Variants in DCT observed in about 807,000 individuals in gnomAD.
DCT encodes the protein L-dopachrome tautomerase.
DCT carries 47 observed loss-of-function variants against 53.0 expected under a neutral mutation model. The ratio of observed to expected loss-of-function variants is 0.89; its 90% CI spans 0.70 to 1.13. DCT has a LOEUF of 1.13. DCT is among the 50% of genes most tolerant of loss of function. The probability of loss-of-function intolerance (pLI) is 0.00; values close to 1 mark genes in which losing one functional copy is unlikely to be tolerated. For synonymous variants in DCT, 244 were observed against 237.0 expected (o/e 1.03, Z -0.27); for missense variants, 669 against 637.4 (o/e 1.05, Z -0.53).
intron 1 of DCT, among the ~76,000 whole-genome samples, chr13:94,473,924 A>G (rs1304312772): frequency 6.6e-6 from 1 of 152,202 alleles, no homozygotes; most frequent in Non-Finnish European, 1.5e-5. Context: ...TATAGACCTG[A>G]CCTGAAGAAT....
the DCT span, among the ~76,000 whole-genome samples, chr13:94,490,810 G>C: frequency 6.6e-6 from 1 of 152,168 alleles, no homozygotes; most frequent in Admixed American, 6.5e-5. Flanking sequence ...ACACTGAAAA[G>C]TAGTAGAAAA....
chr13:94,526,477 C>T, the DCT span, among the ~76,000 whole-genome samples: 1 of 152,088 alleles, frequency 6.6e-6, no homozygotes, highest in Non-Finnish European at 1.5e-5. Context: ...CTCTACAAAA[C>T]ATTTAAAAAT....
chr13:94,546,430 C>T, the DCT span, among the ~76,000 whole-genome samples: 16 of 152,256 alleles, frequency 1.1e-4, 1 homozygote, highest in South Asian at 1.5e-3. The surrounding 1 kb of genome is among the most constrained non-coding windows in gnomAD (Gnocchi z 4.2). Flanking sequence ...GACCCTCTTC[C>T]CTATTGCAAT....
intron 6 of DCT, among the ~76,000 whole-genome samples, chr13:94,449,846 A>C (rs1477613275): frequency 6.6e-6 from 1 of 152,222 alleles, no homozygotes; most frequent in Non-Finnish European, 1.5e-5. Context: ...GAAATAGTTA[A>C]ACAACACCCA....
At chr13:94,490,816 GA>G in the DCT span, among the ~76,000 whole-genome samples, 1 of 152,152 alleles carries the variant, frequency 6.6e-6, no homozygotes, top group Non-Finnish European at 1.5e-5. Flanking sequence ...AAAAGTAGTA[GA>G]AAACAAGATA....
At chr13:94,543,762 C>T in the DCT span, among the ~76,000 whole-genome samples, 3 of 152,086 alleles carry the variant, frequency 2.0e-5, no homozygotes, top group South Asian at 6.2e-4. Flanking sequence ...TGGCCAGGCA[C>T]GGTGGCTCAC....
the DCT span, among the ~76,000 whole-genome samples, chr13:94,542,925 A>G: frequency 6.6e-6 from 1 of 152,196 alleles, no homozygotes; most frequent in Non-Finnish European, 1.5e-5. Context: ...GTGGGAAAAC[A>G]GCAATTTTGT....
chr13:94,451,166 G>A (rs1158729090), intron 6 of DCT, among the ~76,000 whole-genome samples: 3 of 152,076 alleles, frequency 2.0e-5, no homozygotes, highest in African/African-American at 4.8e-5. Context: ...AAGATGTTAT[G>A]CCACTTAGGA....
the DCT span, among the ~76,000 whole-genome samples, chr13:94,501,808 G>C: frequency 6.6e-6 from 1 of 152,078 alleles, no homozygotes; most frequent in South Asian, 2.1e-4. Context: ...GTGCAAGAAG[G>C]GAAGAGTTCA....
chr13:94,482,071 G>A (rs1457960931), upstream of DCT, among the ~76,000 whole-genome samples: 2 of 152,312 alleles, frequency 1.3e-5, no homozygotes, highest in East Asian at 1.9e-4. Context: ...TTGACATTGG[G>A]ATAACATTCA....
At chr13:94,542,315 A>G in the DCT span, among the ~76,000 whole-genome samples, 572 of 152,244 alleles carry the variant, frequency 3.8e-3, 4 homozygotes, top group African/African-American at 0.01. Flanking sequence ...CAGCCTCCCA[A>G]GTAGCTGGGA....
the DCT span, among the ~76,000 whole-genome samples, chr13:94,500,322 G>A: frequency 6.6e-6 from 1 of 152,196 alleles, no homozygotes; most frequent in Admixed American, 6.5e-5. Flanking sequence ...CAGCAGGCAA[G>A]AGAGAAAATG....
chr13:94,522,946 G>T, the DCT span, among the ~76,000 whole-genome samples: 1 of 152,212 alleles, frequency 6.6e-6, no homozygotes, highest in Admixed American at 6.5e-5. Flanking sequence ...AAGATTGACG[G>T]TGTTAGCATA....
chr13:94,465,812 G>A lies in DCT; in HGVS notation c.697-13C>T. 6.2e-7 allele frequency: 1 copy of A among 1,605,306 alleles called. No individual in the cohort carries two copies. Among genetic ancestry groups the A allele is most frequent in the Non-Finnish European group, 8.5e-7 (1 of 1,175,282 alleles). On this transcript the variant is annotated splice_polypyrimidine_tract_variant and intron_variant, in intron 3 of 7. Coordinates refer to ENST00000377028, the MANE Select transcript of DCT (RefSeq NM_001922.5). Reference sequence around the variant, plus strand: ...TGCCAATGAGTCGCTAAAAGCAAAGGGCAGGCCTAGTCATTTAATCCATGC... The same window carrying A: ...TGCCAATGAGTCGCTAAAAGCAAAGAGCAGGCCTAGTCATTTAATCCATGC...
chr13:94,537,173 A>G, the DCT span, among the ~76,000 whole-genome samples: 1 of 152,260 alleles, frequency 6.6e-6, no homozygotes, highest in African/African-American at 2.4e-5. Flanking sequence ...TTCCATTATT[A>G]GGACATGTAT....
Position 94,479,064 on chromosome 13 carries a change from C to T in DCT, c.192G>A (p.Val64=), listed in dbSNP as rs369265609. The change falls in exon 1 of 8, where the codon GTG becomes GTA. Residue 64 remains valine (V), a synonymous_variant. Transcript: ENST00000377028. Reference sequence around the variant, plus strand: ...CACTCCAGGGCCTTGTGTCGGCTCGCACCTCTGTGCACTGCCCCCGGCCTT... The same window carrying T: ...CACTCCAGGGCCTTGTGTCGGCTCGTACCTCTGTGCACTGCCCCCGGCCTT... ...SQQGRGQCTE[V]RADTRPWSGP... The T allele has an allele frequency of 3.7e-6, 6 of 1,614,258 alleles. No homozygotes were observed. The highest frequency in any genetic ancestry group is 5.1e-6 in the Non-Finnish European group (6 of 1,180,040).
At chr13:94,455,690 C>T (rs1477164488) in intron 6 of DCT, among the ~76,000 whole-genome samples, 1 of 152,130 alleles carries the variant, frequency 6.6e-6, no homozygotes, top group Non-Finnish European at 1.5e-5. Flanking sequence ...CAATTTCTGT[C>T]CACTTAGCAG....
At position 94,479,378 on chromosome 13, in the gene DCT, ATTCCT is replaced by A; in HGVS notation, c.-128_-124del. ...TATTTTTTATTTTTCTTTGCTTTCT[ATTCCT>A]TTCTTCTTAAAAAAATACCCACAAG... On this transcript the variant is annotated 5_prime_UTR_variant, in exon 1 of 8. The change abolishes the stop of an existing upstream ORF in the 5' untranslated region. Transcript: ENST00000377028. 3 of 948,900 alleles carry A rather than the reference ATTCCT, an allele frequency of 3.2e-6. No homozygotes were observed. Among genetic ancestry groups the A allele is most frequent in the Non-Finnish European group, 4.6e-6 (3 of 653,740 alleles). 58.8% of individuals were successfully genotyped at this position (948,900 alleles called of 1,614,324 possible).
intron 6 of DCT, among the ~76,000 whole-genome samples, chr13:94,459,208 G>A (rs974814787): frequency 1.3e-5 from 2 of 152,164 alleles, no homozygotes; most frequent in African/African-American, 4.8e-5. Context: ...AAGTGAGACA[G>A]AAATCAAACT....
Sources: allele counts gnomAD v4.1 joint callset (sites outside exome capture counted in the v4.1 genomes callset), GRCh38; gene constraint gnomAD v4.1.1; non-coding constraint Gnocchi (gnomAD v3.1); transcripts MANE v1.5; gene names NCBI Gene and HGNC (gene_info 2026-07-23, HGNC 2026-07-21).